GBA1: variants seen among roughly 807,000 people sequenced by gnomAD.
The protein encoded by GBA1 is lysosomal acid glucosylceramidase.
the GBA1 span, chr1:155,235,208 C>G: frequency 6.2e-7 from 1 of 1,613,272 alleles, no homozygotes; most frequent in Non-Finnish European, 8.5e-7. Context: ...TTTAGCACGA[C>G]CACAACAGCA....
At chr1:155,237,430 C>T in the GBA1 span, 1 of 1,613,978 alleles carries the variant, frequency 6.2e-7, no homozygotes, top group Non-Finnish European at 8.5e-7. Flanking sequence ...AGGGTAGGAC[C>T]TAGGTCACGG....
At chr1:155,238,886 G>A in the GBA1 span, 4 of 576,246 alleles carry the variant, frequency 6.9e-6, no homozygotes, top group Non-Finnish European at 1.2e-5. Flanking sequence ...CATTAAAACA[G>A]GAACCAAATG....
chr1:155,243,089 C>T, the GBA1 span, among the ~76,000 whole-genome samples: 1 of 152,222 alleles, frequency 6.6e-6, no homozygotes, highest in Non-Finnish European at 1.5e-5. Context: ...CACTGCTTGA[C>T]ACTAAACATT....
chr1:155,237,948 C>A, the GBA1 span: 1 of 697,682 alleles, frequency 1.4e-6, no homozygotes, highest in Non-Finnish European at 2.4e-6. Context: ...TGGGCCAGAC[C>A]GAGAGAACAG....
At chr1:155,239,762 C>A in the GBA1 span, 1 of 1,614,022 alleles carries the variant, frequency 6.2e-7, no homozygotes, top group Non-Finnish European at 8.5e-7. Context: ...CAGTAGCAGG[C>A]CTGAGGACAT....
the GBA1 span, chr1:155,237,643 G>T: frequency 6.3e-7 from 1 of 1,597,084 alleles, no homozygotes; most frequent in South Asian, 1.1e-5. Flanking sequence ...GGGTGTGGTG[G>T]CTCACACCTG....
At chr1:155,235,249 T>C in the GBA1 span, 8 of 1,613,716 alleles carry the variant, frequency 5.0e-6, no homozygotes, top group Admixed American at 1.7e-5. Flanking sequence ...TGCCACTGCG[T>C]CCAGGTCGTT....
chr1:155,235,833 G>T, the GBA1 span: 1 of 1,614,236 alleles, frequency 6.2e-7, no homozygotes, highest in Non-Finnish European at 8.5e-7. Flanking sequence ...CGACCACATG[G>T]TACAGGAGGT....
the GBA1 span, chr1:155,240,230 G>A: frequency 1.0e-5 from 7 of 676,372 alleles, no homozygotes; most frequent in African/African-American, 8.9e-5. Context: ...TTAGGAGGCC[G>A]AGGTGGGCGG....
chr1:155,235,358 G>A, the GBA1 span: 2 of 1,602,454 alleles, frequency 1.2e-6, no homozygotes, highest in Non-Finnish European at 1.7e-6. Flanking sequence ...TACCTCCCAT[G>A]AAACCCTCAT....
At chr1:155,237,564 T>A in the GBA1 span, 5 of 1,613,704 alleles carry the variant, frequency 3.1e-6, no homozygotes, top group South Asian at 5.5e-5. Context: ...GTGCTCAGCA[T>A]AGGCATCCAG....
chr1:155,235,197 G>C, the GBA1 span: 7 of 1,612,632 alleles, frequency 4.3e-6, no homozygotes, highest in Non-Finnish European at 5.9e-6. Context: ...GCCCTCACCG[G>C]TTTAGCACGA....
At chr1:155,238,187 G>C in the GBA1 span, 1 of 1,614,206 alleles carries the variant, frequency 6.2e-7, no homozygotes. Flanking sequence ...GCTGTCCCTT[G>C]AGTGACCCCT....
chr1:155,235,914 T>A, the GBA1 span: 56 of 1,594,186 alleles, frequency 3.5e-5, no homozygotes, highest in Non-Finnish European at 4.7e-5. Context: ...TAGGTAAGGG[T>A]CACATGTGGG....
At chr1:155,237,471 A>G in the GBA1 span, 1 of 1,614,016 alleles carries the variant, frequency 6.2e-7, no homozygotes, top group Non-Finnish European at 8.5e-7. Flanking sequence ...TTCAGGGGTG[A>G]AGCCCAGGCA....
At chr1:155,237,567 G>T in the GBA1 span, 1 of 1,613,652 alleles carries the variant, frequency 6.2e-7, no homozygotes, top group African/African-American at 1.3e-5. Flanking sequence ...CTCAGCATAG[G>T]CATCCAGGAA....
At chr1:155,240,966 G>A in the GBA1 span, 5 of 996,568 alleles carry the variant, frequency 5.0e-6, no homozygotes, top group East Asian at 9.6e-5. Context: ...CCCTCCATCT[G>A]TGCCTTGCTC....
At chr1:155,241,719 C>T in the GBA1 span, among the ~76,000 whole-genome samples, 1 of 151,910 alleles carries the variant, frequency 6.6e-6, no homozygotes, top group African/African-American at 2.4e-5. Context: ...AGGGACCATT[C>T]GTGGGTGGGG....
chr1:155,238,175 G>C, the GBA1 span: 1 of 1,614,148 alleles, frequency 6.2e-7, no homozygotes, highest in South Asian at 1.1e-5. Context: ...AGATGTCTCC[G>C]GGCTGTCCCT....
Sources: gnomAD v4.1 joint callset for allele counts (sites outside exome capture counted in the v4.1 genomes callset) on GRCh38, gnomAD v4.1.1 for gene constraint, MANE v1.5 for transcripts, NCBI Gene and HGNC (gene_info 2026-07-23, HGNC 2026-07-21) for gene names.